The following DMXL1 variants were observed in gnomAD, a reference collection of about 807,000 sequenced individuals.
DMXL1 encodes dmX-like protein 1.
Under a neutral mutation model 319.2 loss-of-function variants are expected in DMXL1, and 99 were observed. The observed-to-expected ratio is 0.31, with a 90% confidence interval of 0.26 to 0.37. The LOEUF (loss-of-function observed/expected upper bound fraction) is 0.37. Among genes scored for constraint, DMXL1 ranks in the 10% least tolerant of loss-of-function variants. DMXL1 has a pLI of 1.00. For synonymous variants in DMXL1, 1,385 were observed against 1,235.2 expected (o/e 1.12, Z -2.54); for missense variants, 3,745 against 3,595.6 (o/e 1.04, Z -1.06).
At chr5:119,130,365 T>G (rs1764587020) in intron 10 of DMXL1, among the ~76,000 whole-genome samples, 1 of 151,986 alleles carries the variant, frequency 6.6e-6, no homozygotes. Context: ...TTTTTTTTGA[T>G]GGGGTCTTGC....
intron 1 of DMXL1, among the ~76,000 whole-genome samples, chr5:119,091,292 A>G (rs1287870485): frequency 6.6e-6 from 1 of 151,902 alleles, no homozygotes; most frequent in East Asian, 1.9e-4. Flanking sequence ...CTGCAGCCTT[A>G]ATTTACCAGC....
At chr5:119,238,482 T>G (rs923008631) in intron 40 of DMXL1, among the ~76,000 whole-genome samples, 2 of 152,190 alleles carry the variant, frequency 1.3e-5, no homozygotes, top group African/African-American at 4.8e-5. Flanking sequence ...ATTTTTTTCA[T>G]GTACTTGAAT....
At position 119,165,285 on chromosome 5, in the gene DMXL1, GTA is replaced by G. The variant is rs1491318132; in HGVS notation, c.4970+6_4970+7del. The G allele has an allele frequency of 1.7e-6, 2 of 1,188,244 alleles. No individual in the cohort carries two copies. Among genetic ancestry groups the G allele is most frequent in the Non-Finnish European group, 2.3e-6 (2 of 857,686 alleles). The allele number at this position is 1,188,244 out of a possible 1,614,324, so 73.6% of individuals were successfully genotyped here. ...TGTGATTTGGGGATTATATAGGTAG[GTA>G]AAAAAAAAAAAAAAAAAGGGTGCTT... On this transcript the variant is annotated splice_donor_region_variant and intron_variant, in intron 21 of 43. Transcript: ENST00000539542.
chr5:119,239,832 C>T (rs1788432795), intron 41 of DMXL1, among the ~76,000 whole-genome samples: 2 of 151,682 alleles, frequency 1.3e-5, no homozygotes, highest in Non-Finnish European at 1.5e-5. Flanking sequence ...TGGCAGGTGC[C>T]TGTAATCCCA....
intron 9 of DMXL1, among the ~76,000 whole-genome samples, chr5:119,124,007 TATCAA>T (rs1269454023): frequency 1.3e-5 from 2 of 151,416 alleles, no homozygotes; most frequent in Non-Finnish European, 2.9e-5. Flanking sequence ...TTAACATTCA[TATCAA>T]AAGTAACACC....
At chr5:119,150,633 CA>C (rs1010716602) in intron 18 of DMXL1, among the ~76,000 whole-genome samples, 14 of 150,202 alleles carry the variant, frequency 9.3e-5, no homozygotes, top group Middle Eastern at 3.2e-3. Context: ...TCTATGAAAA[CA>C]AAAAAAAATT....
chr5:119,126,332 C>T (rs917975084), intron 9 of DMXL1, among the ~76,000 whole-genome samples: 3 of 152,082 alleles, frequency 2.0e-5, no homozygotes, highest in Non-Finnish European at 4.4e-5. Flanking sequence ...GTATGTGCTG[C>T]ATTGAATGGA....
chr5:119,139,261 A>G (rs146872622), intron 13 of DMXL1, among the ~76,000 whole-genome samples: 22 of 151,728 alleles, frequency 1.4e-4, no homozygotes, highest in African/African-American at 5.3e-4. Flanking sequence ...TAATAACACA[A>G]TCAGATCCAC....
chr5:119,229,205 G>C (rs1178243183), intron 38 of DMXL1, among the ~76,000 whole-genome samples: 1 of 148,596 alleles, frequency 6.7e-6, no homozygotes, highest in Non-Finnish European at 1.5e-5. Flanking sequence ...TTTGTAGTCA[G>C]ATTGCTTAAA....
intron 37 of DMXL1, among the ~76,000 whole-genome samples, chr5:119,223,951 TAAAAAC>T (rs1785090658): frequency 6.6e-6 from 1 of 152,142 alleles, no homozygotes; most frequent in Non-Finnish European, 1.5e-5. Context: ...TATCAAATGA[TAAAAAC>T]TAATAGCAAA....
At chr5:119,221,665 A>G (rs116140034) in intron 37 of DMXL1, among the ~76,000 whole-genome samples, 8 of 152,274 alleles carry the variant, frequency 5.3e-5, no homozygotes, top group African/African-American at 9.6e-5. Context: ...AACACTTGCT[A>G]TCCAGTCCTT....
Position 119,071,463 on chromosome 5 carries a change from C to T in DMXL1, c.-107C>T. The T allele has an allele frequency of 8.9e-7, 1 of 1,120,356 alleles. No homozygotes were observed. Among genetic ancestry groups the T allele is most frequent in the Non-Finnish European group, 1.3e-6 (1 of 763,638 alleles). The allele number at this position is 1,120,356 out of a possible 1,614,324, so 69.4% of individuals were successfully genotyped here. On this transcript the variant is annotated 5_prime_UTR_variant, in exon 1 of 44. Transcript: ENST00000539542. ...AGGCGCCTGTCGCTGCTTCTGCCGT[C>T]GCCACCGAAGAGCGGCCGCCGCCCC... is the stretch of plus-strand genomic sequence containing the variant.
At chr5:119,204,149 CTTT>C (rs992809956) in intron 33 of DMXL1, among the ~76,000 whole-genome samples, 1 of 151,734 alleles carries the variant, frequency 6.6e-6, no homozygotes, top group Non-Finnish European at 1.5e-5. Context: ...ATTTATTTAT[CTTT>C]TTTGAGATGG....
intron 28 of DMXL1, among the ~76,000 whole-genome samples, chr5:119,180,861 A>G (rs1019853577): frequency 6.6e-6 from 1 of 152,206 alleles, no homozygotes; most frequent in Non-Finnish European, 1.5e-5. Context: ...AGAAAAATTC[A>G]TTTGTTAAGA....
chr5:119,107,951 G>C (rs1173700585), intron 4 of DMXL1, among the ~76,000 whole-genome samples: 1 of 152,156 alleles, frequency 6.6e-6, no homozygotes, highest in African/African-American at 2.4e-5. Context: ...GAAAATTGAA[G>C]TTCAGAAATT....
chr5:119,090,475 C>G lies in DMXL1; in HGVS notation c.88-7504C>G, dbSNP rs564726820. On this transcript the variant is annotated intron_variant, in intron 1 of 43. Transcript: ENST00000539542. ...TCTTGTTCAAATCCCTCTTGAATGC[C>G]AATTCTTAGATTTCATTTTTGAGGT... Among the ~76,000 whole-genome samples, 6 of 151,050 alleles carry G rather than the reference C, an allele frequency of 4.0e-5. No individual in the cohort carries two copies. The East Asian group carries it at 1.2e-3, about 29-fold the overall frequency.
chr5:119,235,191 G>A (rs1396852653), intron 39 of DMXL1, among the ~76,000 whole-genome samples: 2 of 152,040 alleles, frequency 1.3e-5, no homozygotes, highest in African/African-American at 2.4e-5. Flanking sequence ...AGTGCCAAAA[G>A]CCAGTGAATA....
At chr5:119,230,670 A>C (rs2404395) in intron 38 of DMXL1, among the ~76,000 whole-genome samples, 86,773 of 151,976 alleles carry the variant, frequency 0.57, 25,653 homozygotes, top group East Asian at 0.97. Context: ...ATCACAAGGT[A>C]AGGAGATTGA....
At chr5:119,122,399 G>A (rs1215715102) in intron 9 of DMXL1, among the ~76,000 whole-genome samples, 3 of 144,172 alleles carry the variant, frequency 2.1e-5, no homozygotes, top group Non-Finnish European at 4.5e-5. Context: ...GGGCAGAGGC[G>A]CCCCTCACCT....
Sources: allele counts gnomAD v4.1 joint callset (sites outside exome capture counted in the v4.1 genomes callset), GRCh38; gene constraint gnomAD v4.1.1; transcripts MANE v1.5; gene names NCBI Gene and HGNC (gene_info 2026-07-23, HGNC 2026-07-21).